Variants in DOK6 observed in about 807,000 individuals in gnomAD.
The protein encoded by DOK6 is docking protein 6.
A neutral mutation model predicts 44.0 loss-of-function variants in DOK6; 22 were observed. That is an observed-to-expected ratio of 0.50 (90% CI 0.36 to 0.71). The LOEUF (loss-of-function observed/expected upper bound fraction) is 0.71, where lower values mean the gene tolerates loss of function less well. Ranked by LOEUF, DOK6 falls within the 30% of genes least tolerant of loss-of-function variation. The pLI is 0.00. For synonymous variants in DOK6, 166 were observed against 145.5 expected, an observed-to-expected ratio of 1.14 and a Z score of -1.01; for missense variants, 340 against 416.4, an observed-to-expected ratio of 0.82 and a Z score of 1.60.
chr18:69,429,620 C>CATATAT lies in DOK6; in HGVS notation c.66+28349_66+28354dup, dbSNP rs143819043. Among the ~76,000 whole-genome samples the CATATAT allele has an allele frequency of 9.3e-3, 985 of 105,360 alleles. 46 individuals are homozygous for CATATAT. The highest frequency in any genetic ancestry group is 0.012 in the Non-Finnish European group (596 of 49,692). The allele number at this position is 105,360 out of a possible 152,430, so 69.1% of individuals were successfully genotyped here. A position where few individuals can be genotyped will look rare whatever the true frequency, so the allele number is the denominator to read the frequency against. On this transcript the variant is annotated intron_variant, in intron 1 of 7. Transcript: ENST00000382713. Reference sequence around the variant, plus strand: ...TCTATAAGGAAAATATTGAGGGATACATATATATATATATATATATATATA... The same window carrying CATATAT: ...TCTATAAGGAAAATATTGAGGGATACATATATATATATATATATATATATATATATA...
chr18:69,514,303 G>A (rs1028661361), intron 1 of DOK6, among the ~76,000 whole-genome samples: 1 of 151,966 alleles, frequency 6.6e-6, no homozygotes, highest in Non-Finnish European at 1.5e-5. Flanking sequence ...ACATGAAGAC[G>A]ACATTTAAGA....
chr18:69,762,337 T>C (rs970360744), intron 7 of DOK6, among the ~76,000 whole-genome samples: 1 of 152,154 alleles, frequency 6.6e-6, no homozygotes, highest in African/African-American at 2.4e-5. Flanking sequence ...TAAGACCCTG[T>C]CTTAAAAAAA....
chr18:69,694,761 C>T (rs1986354867), intron 4 of DOK6, among the ~76,000 whole-genome samples: 1 of 150,966 alleles, frequency 6.6e-6, no homozygotes, highest in African/African-American at 2.4e-5. Context: ...ATATTATTAT[C>T]ATTATTTAAA....
chr18:69,653,320 AAAG>A (rs112480964), intron 3 of DOK6, among the ~76,000 whole-genome samples: 5 of 150,782 alleles, frequency 3.3e-5, no homozygotes, highest in East Asian at 1.9e-4. Context: ...AAAAAAAAAA[AAAG>A]AAGAAGATTT....
chr18:69,733,355 G>A (rs1978482335), intron 5 of DOK6, among the ~76,000 whole-genome samples: 1 of 152,168 alleles, frequency 6.6e-6, no homozygotes, highest in Non-Finnish European at 1.5e-5. Context: ...TTCTTCCAGA[G>A]TTTAATGTAC....
At chr18:69,766,012 C>G (rs1979701877) in intron 7 of DOK6, among the ~76,000 whole-genome samples, 1 of 152,134 alleles carries the variant, frequency 6.6e-6, no homozygotes, top group Non-Finnish European at 1.5e-5. Context: ...GACATGAAAT[C>G]AACCTAGGCG....
chr18:69,570,156 A>G (rs916679376), intron 2 of DOK6, among the ~76,000 whole-genome samples: 6 of 152,150 alleles, frequency 3.9e-5, no homozygotes, highest in Admixed American at 2.6e-4. Context: ...AAGTTTACCT[A>G]TATAGCAAAC....
chr18:69,721,551 G>T (rs1288135154), intron 5 of DOK6: 2 of 152,176 alleles, frequency 1.3e-5, no homozygotes, highest in African/African-American at 4.8e-5. Context: ...CAATCACATT[G>T]TGCTATTGTT....
intron 6 of DOK6, 40 bp downstream of exon 6, chr18:69,739,143 A>C: frequency 6.2e-7 from 1 of 1,609,850 alleles, no homozygotes; most frequent in Non-Finnish European, 8.5e-7. Flanking sequence ...CTTGGAAATG[A>C]ATGTCACTGG....
intron 1 of DOK6, among the ~76,000 whole-genome samples, chr18:69,488,105 T>C (rs1429484033): frequency 6.6e-6 from 1 of 152,104 alleles, no homozygotes; most frequent in Non-Finnish European, 1.5e-5. Context: ...CCTTGGCTTG[T>C]ACATGACCAC....
intron 1 of DOK6, chr18:69,471,720 A>T (rs1980118826): frequency 6.6e-6 from 1 of 152,104 alleles, no homozygotes; most frequent in African/African-American, 2.4e-5. Context: ...ACGTCTAATC[A>T]ATAAATATCG....
chr18:69,705,934 A>C (rs1486299432), intron 5 of DOK6, among the ~76,000 whole-genome samples: 1 of 147,676 alleles, frequency 6.8e-6, no homozygotes, highest in African/African-American at 2.5e-5. Context: ...AAAAAAAAAC[A>C]CTCCATTATT....
At chr18:69,462,756 C>G (rs578026044) in intron 1 of DOK6, among the ~76,000 whole-genome samples, 1 of 152,258 alleles carries the variant, frequency 6.6e-6, no homozygotes, top group South Asian at 2.1e-4. Context: ...TTCAACAAAT[C>G]CAGATTAATA....
chr18:69,561,269 T>C (rs1471253881), intron 1 of DOK6, among the ~76,000 whole-genome samples: 2 of 151,670 alleles, frequency 1.3e-5, no homozygotes, highest in Admixed American at 1.3e-4. Flanking sequence ...TAAACCTATG[T>C]CTGTCTGATT....
At chr18:69,658,951 C>T in intron 3 of DOK6, among the ~76,000 whole-genome samples, 1 of 152,198 alleles carries the variant, frequency 6.6e-6, no homozygotes, top group Non-Finnish European at 1.5e-5. Context: ...AGAATTACAA[C>T]ACAATATTTT....
intron 1 of DOK6, among the ~76,000 whole-genome samples, chr18:69,510,461 T>A (rs533544362): frequency 6.6e-6 from 1 of 152,204 alleles, no homozygotes; most frequent in African/African-American, 2.4e-5. Flanking sequence ...ATGCCCAGTA[T>A]TTTTTAAAAG....
intron 3 of DOK6, among the ~76,000 whole-genome samples, chr18:69,650,358 G>A (rs149507496): frequency 5.1e-4 from 77 of 152,074 alleles, no homozygotes; most frequent in African/African-American, 1.5e-3. Context: ...GCTTTGAGTC[G>A]GGCATAAGGT....
At chr18:69,803,763 G>A in intron 7 of DOK6, among the ~76,000 whole-genome samples, 1 of 152,066 alleles carries the variant, frequency 6.6e-6, no homozygotes, top group Non-Finnish European at 1.5e-5. Flanking sequence ...GGAGGCTGAG[G>A]CAGAAGAATC....
intron 1 of DOK6, among the ~76,000 whole-genome samples, chr18:69,526,051 C>T (rs997717814): frequency 1.9e-4 from 29 of 152,172 alleles, no homozygotes; most frequent in African/African-American, 6.3e-4. Flanking sequence ...CTACATCCCT[C>T]ATTAAATTGT....
Sources: gnomAD v4.1 joint callset for allele counts (sites outside exome capture counted in the v4.1 genomes callset) on GRCh38, gnomAD v4.1.1 for gene constraint, MANE v1.5 for transcripts, NCBI Gene and HGNC (gene_info 2026-07-23, HGNC 2026-07-21) for gene names.